The following ANK1 variants were observed in gnomAD, a reference collection of about 807,000 sequenced individuals.
ANK1 encodes ankyrin 1, also known as ankyrin-1.
Under a neutral mutation model 210.4 loss-of-function variants are expected in ANK1, and 51 were observed. The observed-to-expected ratio is 0.24, with a 90% CI of 0.19 to 0.31. The LOEUF is 0.31. Ranked by LOEUF, ANK1 falls within the 10% of genes least tolerant of loss-of-function variation. ANK1 has a pLI of 1.00. For synonymous variants in ANK1, 967 were observed against 1,025.9 expected (o/e 0.94, Z 1.10); for missense variants, 2,051 against 2,504.4 (o/e 0.82, Z 3.86).
At chr8:41,826,980 C>G (rs1805500433) in intron 1 of ANK1, among the ~76,000 whole-genome samples, 2 of 152,198 alleles carry the variant, frequency 1.3e-5, no homozygotes, top group African/African-American at 2.4e-5. Context: ...ATATGTTTAG[C>G]CTTTGCTGCA....
At chr8:41,890,397 G>C (rs182319414) in intron 1 of ANK1, among the ~76,000 whole-genome samples, 148 of 152,302 alleles carry the variant, frequency 9.7e-4, no homozygotes, top group Non-Finnish European at 1.8e-3. Flanking sequence ...AAGTTGATCT[G>C]CCTTTCTCAA....
In ANK1 at chr8:41,686,373, G is replaced by A. The variant is rs778288234; in HGVS notation, c.4259-90C>T. 3.6e-4 allele frequency: 562 copies of A among 1,551,912 alleles called. 6 individuals are homozygous for A. The highest frequency in any genetic ancestry group is 5.8e-4 in the East Asian group (26 of 44,570). Reference sequence around the variant, plus strand: ...ACACAGGCTGGGTGGGCACTGGGGCGTGGGGGGACCCAGTGGGGAGCACAG... The same window carrying A: ...ACACAGGCTGGGTGGGCACTGGGGCATGGGGGGACCCAGTGGGGAGCACAG... On this transcript the variant is annotated intron_variant, in intron 35 of 42. Coordinates refer to ENST00000289734, the MANE Select transcript of ANK1 (RefSeq NM_000037.4).
At chr8:41,714,311 G>A (rs1827016916) in intron 15 of ANK1, 57 bp from the exon 16 acceptor site, 3 of 1,379,294 alleles carry the variant, frequency 2.2e-6, no homozygotes. Flanking sequence ...TTTCTCCCAG[G>A]ACTCCCTTTA....
intron 2 of ANK1, among the ~76,000 whole-genome samples, chr8:41,757,751 T>C (rs1449579794): frequency 6.6e-6 from 1 of 152,202 alleles, no homozygotes; most frequent in East Asian, 1.9e-4. Flanking sequence ...AGGCCACATA[T>C]TCTAAGACAA....
intron 1 of ANK1, among the ~76,000 whole-genome samples, chr8:41,771,649 C>T (rs1842989006): frequency 6.6e-6 from 1 of 152,162 alleles, no homozygotes; most frequent in Admixed American, 6.5e-5. Flanking sequence ...AAATATTTTA[C>T]CTACTGTCTC....
chr8:41,694,191 C>A lies in ANK1; in HGVS notation c.3328-89G>T. On this transcript the variant is annotated intron_variant, in intron 28 of 42. Coordinates refer to ENST00000289734, the MANE Select transcript of ANK1 (RefSeq NM_000037.4). The surrounding 1 kb of genome is among the most constrained non-coding windows in gnomAD (Gnocchi z 5.7). ...CAGCTCCATGCCTGGTGAGAGTGGC[C>A]GTCAGTGCACGGGGTCCCGCCCTGC... 7.3e-7 allele frequency: 1 copy of A among 1,378,366 alleles called. No homozygotes were observed. The allele number at this position is 1,378,366 out of a possible 1,614,324, so 85.4% of individuals were successfully genotyped here. A position where few individuals can be genotyped will look rare whatever the true frequency, so the allele number is the denominator to read the frequency against.
rs1819057924 is a variant in ANK1, at chr8:41,690,737, C to G, written c.3859-138G>C. ...ATGCGGGTGTGTGCTGAGAAATCCA[C>G]TGTTTGTTTTGGGAAAGGCTTTATT... On this transcript the variant is annotated intron_variant, in intron 31 of 42. Transcript: ENST00000289734. The G allele has an allele frequency of 5.0e-6, 7 of 1,401,826 alleles. No homozygotes were observed. In the South Asian group the frequency reaches 8.4e-5, roughly 17 times the overall value. 86.8% of individuals were successfully genotyped at this position (1,401,826 alleles called of 1,614,324 possible).
Position 41,665,763 on chromosome 8 carries a change from G to A in ANK1, c.5395-2021C>T, listed in dbSNP as rs571490674. On this transcript the variant is annotated intron_variant, in intron 39 of 42. Transcript: ENST00000289734. Reference sequence around the variant, plus strand: ...CAGGTGGTGGGGCCACCTGGAAGCCGGTCTGTAATTCCTGTCAGCCCACAG... The same window carrying A: ...CAGGTGGTGGGGCCACCTGGAAGCCAGTCTGTAATTCCTGTCAGCCCACAG... 77 of 161,770 alleles carry A rather than the reference G, an allele frequency of 4.8e-4. 1 individual carries two copies. The highest frequency in any genetic ancestry group is 2.3e-3 in the South Asian group (13 of 5,548). 10.0% of individuals were successfully genotyped at this position (161,770 alleles called of 1,614,324 possible).
intron 1 of ANK1, among the ~76,000 whole-genome samples, chr8:41,836,385 T>A (rs1404870880): frequency 6.6e-6 from 1 of 152,272 alleles, no homozygotes; most frequent in African/African-American, 2.4e-5. Flanking sequence ...CTCTGTCTCC[T>A]GTCTGCAATA....
intron 1 of ANK1, among the ~76,000 whole-genome samples, chr8:41,775,608 G>T (rs576386745): frequency 2.0e-4 from 31 of 152,330 alleles, no homozygotes; most frequent in African/African-American, 7.0e-4. Context: ...AGCAGGGCAT[G>T]GTGGCTTATG....
intron 1 of ANK1, among the ~76,000 whole-genome samples, chr8:41,859,138 GTC>G (rs1812767472): frequency 6.6e-6 from 1 of 152,224 alleles, no homozygotes. Flanking sequence ...CCCCCACGGG[GTC>G]TCTGAGACCC....
intron 1 of ANK1, among the ~76,000 whole-genome samples, chr8:41,850,911 T>C (rs1811118536): frequency 6.6e-6 from 1 of 152,230 alleles, no homozygotes; most frequent in Admixed American, 6.5e-5. Flanking sequence ...CTCACGTGCA[T>C]GTCATCACAT....
At chr8:41,828,467 C>T (rs1805921810) in intron 1 of ANK1, 1 of 154,258 alleles carries the variant, frequency 6.5e-6, no homozygotes, top group Non-Finnish European at 1.5e-5. Context: ...CAGATCCCGT[C>T]TGTGGCCGCC....
intron 1 of ANK1, among the ~76,000 whole-genome samples, chr8:41,805,609 A>G (rs1850851302): frequency 6.6e-6 from 1 of 152,202 alleles, no homozygotes; most frequent in South Asian, 2.1e-4. Flanking sequence ...AGAAATTAAA[A>G]CTGAGAGTTT....
In ANK1 at chr8:41,684,608, G is replaced by A. The variant is rs1817143392; in HGVS notation, c.4473C>T (p.Arg1491=). The A allele has an allele frequency of 1.2e-6, 2 of 1,613,790 alleles. No homozygotes were observed. Among genetic ancestry groups the A allele is most frequent in the Non-Finnish European group, 1.7e-6 (2 of 1,180,044 alleles). ...NMLEGSGRQS[R]NLKPDRRHTD... is the part of the protein sequence containing the mutation. ...TGTGCCGCCTGTCTGGCTTCAAGTT[G>A]CGGCTCTGTCGGCCGGAACCCTCCA... Residue 1491 remains arginine (R), a synonymous_variant, in exon 37 of 43, where the codon CGC becomes CGT. Transcript: ENST00000289734.
chr8:41,683,519 C>T (rs1272086385), intron 37 of ANK1, among the ~76,000 whole-genome samples: 8 of 152,170 alleles, frequency 5.3e-5, no homozygotes, highest in Non-Finnish European at 7.3e-5. Context: ...CTGGGCGTGG[C>T]GGGGATGGCC....
At chr8:41,778,181 G>T (rs946159061) in intron 1 of ANK1, among the ~76,000 whole-genome samples, 42 of 152,188 alleles carry the variant, frequency 2.8e-4, no homozygotes, top group African/African-American at 9.9e-4. Flanking sequence ...AAGGCTGTTT[G>T]GTTCCTACTC....
At chr8:41,811,067 A>G (rs769686466) in intron 1 of ANK1, among the ~76,000 whole-genome samples, 35 of 152,358 alleles carry the variant, frequency 2.3e-4, no homozygotes, top group Non-Finnish European at 3.8e-4. Flanking sequence ...TAGTCAGAGA[A>G]GTTATAAATC....
chr8:41,669,267 T>G (rs74816732), intron 38 of ANK1, among the ~76,000 whole-genome samples: 21,463 of 151,772 alleles, frequency 0.14, 1,870 homozygotes, highest in Middle Eastern at 0.31. Context: ...CCTACAGCTG[T>G]GTGCACCCCG....
Sources: allele counts gnomAD v4.1 joint callset (sites outside exome capture counted in the v4.1 genomes callset), GRCh38; gene constraint gnomAD v4.1.1; non-coding constraint Gnocchi (gnomAD v3.1); transcripts MANE v1.5; gene names NCBI Gene and HGNC (gene_info 2026-07-23, HGNC 2026-07-21).